VAV3: variants seen among roughly 807,000 people sequenced by gnomAD.
VAV3 encodes the protein vav guanine nucleotide exchange factor 3, also known as guanine nucleotide exchange factor VAV3.
A neutral mutation model predicts 131.2 loss-of-function variants in VAV3; 94 were observed. The ratio of observed to expected loss-of-function variants is 0.72; its 90% confidence interval spans 0.61 to 0.85. VAV3 has a LOEUF of 0.85. VAV3 is among the 40% of genes least tolerant of loss of function. VAV3 has a pLI of 0.00. For missense variants in VAV3, 939 were observed against 1,002.7 expected, an observed-to-expected ratio of 0.94 and a Z score of 0.86; for synonymous variants, 349 against 342.0, an observed-to-expected ratio of 1.02 and a Z score of -0.22.
chr1:107,708,827 T>G (rs1342204578), intron 15 of VAV3, among the ~76,000 whole-genome samples: 1 of 152,152 alleles, frequency 6.6e-6, no homozygotes, highest in Non-Finnish European at 1.5e-5. Flanking sequence ...TAACCCTTCC[T>G]GTGATTCAAT....
chr1:107,873,211 T>A (rs1367789046), intron 2 of VAV3, among the ~76,000 whole-genome samples: 4 of 152,158 alleles, frequency 2.6e-5, no homozygotes, highest in African/African-American at 9.7e-5. Flanking sequence ...TTTTGTAGTA[T>A]CAACTCTCCT....
At chr1:107,834,828 T>TC (rs893696638) in intron 2 of VAV3, among the ~76,000 whole-genome samples, 51 of 152,136 alleles carry the variant, frequency 3.4e-4, no homozygotes, top group African/African-American at 1.2e-3. Context: ...CTTGAACAGC[T>TC]CCTAAGGAAG....
intron 2 of VAV3, among the ~76,000 whole-genome samples, chr1:107,821,210 A>C (rs980475806): frequency 2.6e-5 from 4 of 152,234 alleles, no homozygotes; most frequent in Admixed American, 6.5e-5. Context: ...CACCTAAGGA[A>C]AAACATAAAT....
intron 20 of VAV3, among the ~76,000 whole-genome samples, chr1:107,618,413 G>A (rs1653328794): frequency 6.6e-6 from 1 of 152,158 alleles, no homozygotes; most frequent in Non-Finnish European, 1.5e-5. Context: ...AGAAAACAGT[G>A]AAATGTAAGT....
At chr1:107,795,563 A>G (rs1284515390) in intron 2 of VAV3, among the ~76,000 whole-genome samples, 1 of 152,194 alleles carries the variant, frequency 6.6e-6, no homozygotes, top group African/African-American at 2.4e-5. Flanking sequence ...CTGTCAAAAT[A>G]TGGCATATGT....
At chr1:107,921,600 C>T (rs1000620826) in intron 1 of VAV3, among the ~76,000 whole-genome samples, 4 of 152,200 alleles carry the variant, frequency 2.6e-5, no homozygotes, top group Non-Finnish European at 5.9e-5. Context: ...ACAGCCAAGT[C>T]ATCACTCCAT....
At chr1:107,812,792 G>GT (rs764488952) in intron 2 of VAV3, among the ~76,000 whole-genome samples, 12 of 152,034 alleles carry the variant, frequency 7.9e-5, no homozygotes, top group Non-Finnish European at 1.6e-4. Context: ...TGGCATGGGG[G>GT]TTGAAGCAGG....
At position 107,757,268 on chromosome 1, in the gene VAV3, G is replaced by A. The variant is rs368558207; in HGVS notation, c.1079C>T (p.Ala360Val). 4.3e-6 allele frequency: 7 copies of A among 1,612,102 alleles called. No homozygotes were observed. The highest frequency in any genetic ancestry group is 4.5e-5 in the East Asian group (2 of 44,794). The change falls in exon 11 of 27, where the codon GCC (alanine) becomes GTC (valine). Residue 360 changes from alanine to valine, a missense_variant. Coordinates refer to ENST00000370056, the MANE Select transcript of VAV3 (RefSeq NM_006113.5). The part of the protein sequence containing the change: ...EKANLKLALD[A>V]MKDLAQYVNE... ...CTGATGAATCTGCCCTACCTTCATG[G>A]CATCAAGAGCCAGTTTCAGATTTGC...
At chr1:107,772,613 A>G (rs151182457) in intron 5 of VAV3, 122 bp downstream of exon 5, 4 of 741,630 alleles carry the variant, frequency 5.4e-6, no homozygotes, top group African/African-American at 5.3e-5. Context: ...AGTCATAATT[A>G]TATAGTTATA....
chr1:107,696,003 C>T (rs953852334), intron 17 of VAV3, among the ~76,000 whole-genome samples: 4 of 152,094 alleles, frequency 2.6e-5, no homozygotes, highest in African/African-American at 9.7e-5. Context: ...AGCATGCTCC[C>T]CCTCTTAAAT....
Position 107,875,025 on chromosome 1 carries a change from A to G in VAV3, c.205-8T>C. 2.5e-6 allele frequency: 4 copies of G among 1,606,642 alleles called. No individual in the cohort carries two copies. Among genetic ancestry groups the G allele is most frequent in the Non-Finnish European group, 2.6e-6 (3 of 1,173,536 alleles). ...GTTCTTCAAACAGAGAAACTGAGGAATGGAAAAGAGCTGTTAGCATAAAGT... is the reference window on the plus strand; with the variant it reads ...GTTCTTCAAACAGAGAAACTGAGGAGTGGAAAAGAGCTGTTAGCATAAAGT... On this transcript the variant is annotated splice_polypyrimidine_tract_variant and splice_region_variant and intron_variant, in intron 1 of 26. Transcript: ENST00000370056.
At chr1:107,884,379 G>A (rs1216249766) in intron 1 of VAV3, among the ~76,000 whole-genome samples, 1 of 148,680 alleles carries the variant, frequency 6.7e-6, no homozygotes, top group Admixed American at 6.7e-5. Flanking sequence ...CACCTACTAT[G>A]TACCCCCAAA....
At chr1:107,589,058 C>T (rs1365278755) in intron 25 of VAV3, among the ~76,000 whole-genome samples, 1 of 152,024 alleles carries the variant, frequency 6.6e-6, no homozygotes, top group African/African-American at 2.4e-5. Context: ...CACTGACTGC[C>T]TGACTGCTGT....
intron 1 of VAV3, among the ~76,000 whole-genome samples, chr1:107,910,122 T>C (rs1478411707): frequency 2.6e-5 from 4 of 152,200 alleles, no homozygotes; most frequent in Admixed American, 2.0e-4. Flanking sequence ...GAAGAGGAAA[T>C]GAACTTGAAG....
At chr1:107,964,432 C>A in intron 1 of VAV3, 1 of 465,588 alleles carries the variant, frequency 2.1e-6, no homozygotes, top group Non-Finnish European at 3.9e-6. Context: ...AAAGCCTTTA[C>A]GAAATCCTCA....
intron 20 of VAV3, among the ~76,000 whole-genome samples, chr1:107,629,457 T>C (rs1217067909): frequency 1.3e-5 from 2 of 152,226 alleles, no homozygotes; most frequent in Non-Finnish European, 2.9e-5. Context: ...TTTATCATCA[T>C]CAATTGGATG....
At chr1:107,852,392 T>C (rs1366961554) in intron 2 of VAV3, among the ~76,000 whole-genome samples, 3 of 152,030 alleles carry the variant, frequency 2.0e-5, no homozygotes, top group Non-Finnish European at 4.4e-5. Context: ...ATTTGTAAAA[T>C]AGAAAAGGAA....
intron 20 of VAV3, among the ~76,000 whole-genome samples, chr1:107,640,600 T>C (rs1655270828): frequency 6.6e-6 from 1 of 152,216 alleles, no homozygotes; most frequent in African/African-American, 2.4e-5. Context: ...TGTACGTATG[T>C]GTGTGTTCAA....
At chr1:107,686,110 C>T (rs527381186) in intron 18 of VAV3, among the ~76,000 whole-genome samples, 87 of 151,786 alleles carry the variant, frequency 5.7e-4, no homozygotes, top group Non-Finnish European at 1.0e-3. Flanking sequence ...ATTACCATTG[C>T]CTTATCTTTC....
Sources: gnomAD v4.1 joint callset for allele counts (sites outside exome capture counted in the v4.1 genomes callset) on GRCh38, gnomAD v4.1.1 for gene constraint, MANE v1.5 for transcripts, NCBI Gene and HGNC (gene_info 2026-07-23, HGNC 2026-07-21) for gene names.